Variants in LAMTOR2 observed in about 807,000 individuals in gnomAD.
LAMTOR2 encodes the protein late endosomal/lysosomal adaptor, MAPK and MTOR activator 2, also known as ragulator complex protein LAMTOR2.
LAMTOR2 carries 4 observed loss-of-function variants against 15.8 expected under a neutral mutation model. The observed-to-expected ratio is 0.25, with a 90% CI of 0.12 to 0.58. The LOEUF is 0.58. LAMTOR2 is among the 20% of genes least tolerant of loss of function. The probability of loss-of-function intolerance (pLI) is 0.91; values close to 1 mark genes in which losing one functional copy is unlikely to be tolerated. For missense variants in LAMTOR2, 100 were observed against 161.0 expected, an observed-to-expected ratio of 0.62 and a Z score of 2.05; for synonymous variants, 62 against 64.1, an observed-to-expected ratio of 0.97 and a Z score of 0.15.
At chr1:156,057,035 G>C (rs1204350528) in intron 2 of LAMTOR2, among the ~76,000 whole-genome samples, 1 of 151,860 alleles carries the variant, frequency 6.6e-6, no homozygotes, top group Non-Finnish European at 1.5e-5. Flanking sequence ...AAAATTAGCT[G>C]GGCATGGTGG....
rs530228056 is a variant in LAMTOR2, at chr1:156,055,603, A to C, written c.231+178A>C. On this transcript the variant is annotated intron_variant, in intron 2 of 3. Coordinates refer to ENST00000368305, the MANE Select transcript of LAMTOR2 (RefSeq NM_014017.4). This position sits in a 1 kb window ranked among gnomAD's most constrained non-coding sequence, Gnocchi z 4.8. ...CCTATTCATCAAGTGGTGGTGAGGA[A>C]GGATCCCTGGACCTGAGAGGTCTGA... 1.4e-6 allele frequency: 1 copy of C among 707,620 alleles called. No individual in the cohort carries two copies. The highest frequency in any genetic ancestry group is 2.7e-5 in the East Asian group (1 of 36,542). 43.8% of individuals were successfully genotyped at this position (707,620 alleles called of 1,614,324 possible). A position where few individuals can be genotyped will look rare whatever the true frequency, so the allele number is the denominator to read the frequency against.
intron 2 of LAMTOR2, 106 bp from the exon 3 acceptor site, chr1:156,057,872 C>T: frequency 6.6e-6 from 7 of 1,055,720 alleles, no homozygotes; most frequent in South Asian, 1.3e-5. Flanking sequence ...GTGCCCAGGG[C>T]ATGGGAGGAA....
Position 156,055,264 on chromosome 1 carries a change from C to G in LAMTOR2, c.70C>G (p.Leu24Val). 1 of 1,614,032 alleles carries G rather than the reference C, an allele frequency of 6.2e-7. No individual in the cohort carries two copies. Among genetic ancestry groups the G allele is most frequent in the Non-Finnish European group, 8.5e-7 (1 of 1,180,044 alleles). Residue 24 changes from leucine to valine, a missense_variant and splice_region_variant, in exon 2 of 4, where the codon CTG (leucine) becomes GTG (valine). Physicochemically the swap from Leu to Val is conservative, Grantham distance 32. Coordinates refer to ENST00000368305, the MANE Select transcript of LAMTOR2 (RefSeq NM_014017.4). The surrounding 1 kb of genome is among the most constrained non-coding windows in gnomAD (Gnocchi z 4.8). ...CTATCCCTCCCCGCCCCTCACCAGG[C>G]TGCTGAATAACGAGGGATCACTGCT... The part of the protein sequence containing the change: ...ANTGGVQSTL[L>V]LNNEGSLLAY...
intron 2 of LAMTOR2, 113 bp from the exon 3 acceptor site, chr1:156,057,865 C>A: frequency 2.0e-6 from 2 of 1,010,330 alleles, no homozygotes; most frequent in Non-Finnish European, 3.1e-6. Context: ...TCCTGCTGTG[C>A]CCAGGGCATG....
Position 156,055,298 on chromosome 1 carries a change from C to T in LAMTOR2, c.104C>T (p.Ser35Phe), listed in dbSNP as rs2102763755. The change falls in exon 2 of 4, where the codon TCT becomes TTT. Residue 35 changes from serine (S) to phenylalanine (F), a missense_variant. Physicochemically the swap from Ser to Phe is radical, Grantham distance 155. Transcript: ENST00000368305. The surrounding 1 kb of genome is among the most constrained non-coding windows in gnomAD (Gnocchi z 4.8). ...AACGAGGGATCACTGCTGGCCTACTCTGGTTACGGGGACACTGACGCCCGG... is the reference window on the plus strand; with the variant it reads ...AACGAGGGATCACTGCTGGCCTACTTTGGTTACGGGGACACTGACGCCCGG... The part of the protein sequence containing the change: ...LNNEGSLLAY[S>F]GYGDTDARVT... 6.2e-7 allele frequency: 1 copy of T among 1,614,188 alleles called. No individual in the cohort carries two copies. The highest frequency in any genetic ancestry group is 1.3e-5 in the African/African-American group (1 of 75,054).
chr1:156,055,292 C>T lies in LAMTOR2; in HGVS notation c.98C>T (p.Ala33Val), dbSNP rs1272650315. Residue 33 changes from alanine (A) to valine (V), a missense_variant, in exon 2 of 4, where the codon GCC (alanine) becomes GTC (valine). Ala to Val is a moderately conservative substitution (Grantham distance 64). Transcript: ENST00000368305. This position sits in a 1 kb window ranked among gnomAD's most constrained non-coding sequence, Gnocchi z 4.8. ...CTGAATAACGAGGGATCACTGCTGG[C>T]CTACTCTGGTTACGGGGACACTGAC... ...LLLNNEGSLL[A>V]YSGYGDTDAR... is the part of the protein sequence containing the mutation. The T allele has an allele frequency of 6.2e-7, 1 of 1,614,082 alleles. No individual in the cohort carries two copies. The highest frequency in any genetic ancestry group is 1.7e-5 in the Admixed American group (1 of 60,014).
chr1:156,058,471 T>C lies in LAMTOR2; in HGVS notation c.*100T>C. On this transcript the variant is annotated 3_prime_UTR_variant, in exon 4 of 4. Coordinates refer to ENST00000368305, the MANE Select transcript of LAMTOR2 (RefSeq NM_014017.4). ...TTAGACAATGGGGGGAGGATGGGAC[T>C]TTGTTTTTTCCAAGAATAAACTTCA... is the stretch of plus-strand genomic sequence containing the variant. The C allele has an allele frequency of 7.6e-7, 1 of 1,312,540 alleles. No individual in the cohort carries two copies. The highest frequency in any genetic ancestry group is 1.2e-5 in the South Asian group (1 of 84,080). The allele number at this position is 1,312,540 out of a possible 1,614,324, so 81.3% of individuals were successfully genotyped here.
In LAMTOR2 at chr1:156,054,930, C is replaced by T. The variant is rs1345091645; in HGVS notation, c.41C>T (p.Ala14Val). Residue 14 changes from alanine to valine, a missense_variant, in exon 1 of 4, where the codon GCC becomes GTC. Ala to Val is a moderately conservative substitution (Grantham distance 64). Coordinates refer to ENST00000368305, the MANE Select transcript of LAMTOR2 (RefSeq NM_014017.4). ...PKALTQVLSQ[A>V]NTGGVQSTLL... ...GCTTTGACCCAGGTGCTAAGCCAAG[C>T]CAACACTGGAGGCGTCCAGAGCACC... The T allele has an allele frequency of 6.2e-7, 1 of 1,612,900 alleles. No homozygotes were observed. The highest frequency in any genetic ancestry group is 8.5e-7 in the Non-Finnish European group (1 of 1,179,810).
chr1:156,056,624 G>A (rs111593253), intron 2 of LAMTOR2, among the ~76,000 whole-genome samples: 47 of 152,302 alleles, frequency 3.1e-4, no homozygotes, highest in Admixed American at 9.8e-4. Context: ...GGTCAGAGAG[G>A]CAGGGAGTGC....
chr1:156,055,752 C>T lies in LAMTOR2; in HGVS notation c.231+327C>T, dbSNP rs1320217131. The T allele has an allele frequency of 2.6e-6, 1 of 388,136 alleles. No individual in the cohort carries two copies. Among genetic ancestry groups the T allele is most frequent in the Non-Finnish European group, 4.9e-6 (1 of 203,938 alleles). 24.0% of individuals were successfully genotyped at this position (388,136 alleles called of 1,614,324 possible). A position where few individuals can be genotyped will look rare whatever the true frequency, so the allele number is the denominator to read the frequency against. Reference sequence around the variant, plus strand: ...CAATAATTTCCCTCTCCCCGCTCCCCTCATGGGTTGTTGTGAAGGTCAGAT... The same window carrying T: ...CAATAATTTCCCTCTCCCCGCTCCCTTCATGGGTTGTTGTGAAGGTCAGAT... On this transcript the variant is annotated intron_variant, in intron 2 of 3. Coordinates refer to ENST00000368305, the MANE Select transcript of LAMTOR2 (RefSeq NM_014017.4). The surrounding 1 kb of genome is among the most constrained non-coding windows in gnomAD (Gnocchi z 4.8).
At position 156,057,958 on chromosome 1, in the gene LAMTOR2, C is replaced by T; in HGVS notation, c.232-20C>T. The T allele has an allele frequency of 1.9e-6, 3 of 1,611,508 alleles. No homozygotes were observed. The highest frequency in any genetic ancestry group is 2.2e-5 in the East Asian group (1 of 44,868). The stretch of plus-strand genomic sequence containing the variant: ...GGGTGCCAAGCAGAACATCACATCC[C>T]ATCATATCACCCCCACCAGGAGGGC... On this transcript the variant is annotated intron_variant, in intron 2 of 3. Transcript: ENST00000368305.
chr1:156,056,266 TG>T (rs1049370653), intron 2 of LAMTOR2, among the ~76,000 whole-genome samples: 1 of 152,166 alleles, frequency 6.6e-6, no homozygotes, highest in African/African-American at 2.4e-5. Flanking sequence ...CCTCCCAAAG[TG>T]CTGGGATTAC....
intron 2 of LAMTOR2, among the ~76,000 whole-genome samples, chr1:156,056,334 A>G (rs1426389663): frequency 1.3e-5 from 2 of 152,148 alleles, no homozygotes; most frequent in African/African-American, 4.8e-5. Context: ...TATATAGTAT[A>G]TATTAGGTAT....
At position 156,055,079 on chromosome 1, in the gene LAMTOR2, G is replaced by T; in HGVS notation, c.68+122G>T. On this transcript the variant is annotated intron_variant, in intron 1 of 3. Coordinates refer to ENST00000368305, the MANE Select transcript of LAMTOR2 (RefSeq NM_014017.4). The surrounding 1 kb of genome is among the most constrained non-coding windows in gnomAD (Gnocchi z 4.8). Reference sequence around the variant, plus strand: ...AAGCGGCAGAGGGGGCAGCGGCTGGGGATACCGGCCGGGAGGTCCCCTGTC... The same window carrying T: ...AAGCGGCAGAGGGGGCAGCGGCTGGTGATACCGGCCGGGAGGTCCCCTGTC... 7.3e-7 allele frequency: 1 copy of T among 1,374,056 alleles called. No homozygotes were observed. Among genetic ancestry groups the T allele is most frequent in the Non-Finnish European group, 1.0e-6 (1 of 969,640 alleles). The allele number at this position is 1,374,056 out of a possible 1,614,324, so 85.1% of individuals were successfully genotyped here.
Position 156,058,016 on chromosome 1 carries a change from G to T in LAMTOR2, c.270G>T (p.Leu90=). The T allele has an allele frequency of 6.2e-7, 1 of 1,614,168 alleles. No homozygotes were observed. The highest frequency in any genetic ancestry group is 8.5e-7 in the Non-Finnish European group (1 of 1,180,018). The change falls in exon 3 of 4, where the codon CTG becomes CTT. Residue 90 remains leucine (L), a synonymous_variant. Coordinates refer to ENST00000368305, the MANE Select transcript of LAMTOR2 (RefSeq NM_014017.4). The stretch of plus-strand genomic sequence containing the variant: ...CCATCACCCGAGTGGCCAACCTTCT[G>T]CTGTGTATGTATGCCAAGGAGACCG... ...RVAITRVANL[L]LCMYAKETVG...
rs1271796585 is a variant in LAMTOR2 at position 156,058,140 on chromosome 1, G to A, written c.321+73G>A. ...TTCTACACTGTGTTCACTCCCACCA[G>A]GACCCTGTTTCTAGAGTTCTCATGT... On this transcript the variant is annotated intron_variant, in intron 3 of 3. Transcript: ENST00000368305. 11 of 1,529,578 alleles carry A rather than the reference G, an allele frequency of 7.2e-6. No individual in the cohort carries two copies. The Admixed American group carries it at 1.8e-4, about 26-fold the overall frequency. The allele number at this position is 1,529,578 out of a possible 1,614,324, so 94.8% of individuals were successfully genotyped here.
At position 156,055,490 on chromosome 1, in the gene LAMTOR2, C is replaced by T; in HGVS notation, c.231+65C>T. On this transcript the variant is annotated intron_variant, in intron 2 of 3. Transcript: ENST00000368305. This position sits in a 1 kb window ranked among gnomAD's most constrained non-coding sequence, Gnocchi z 4.8. ...GGGATCCCAAGGGGGCGACCTGGAC[C>T]CCATCCTGGATGGTTGGAGGGGCAG... 1 of 1,591,466 alleles carries T rather than the reference C, an allele frequency of 6.3e-7. No homozygotes were observed. The highest frequency in any genetic ancestry group is 1.1e-5 in the South Asian group (1 of 90,588).
In LAMTOR2 at chr1:156,055,609, C is replaced by T. The variant is rs759251132; in HGVS notation, c.231+184C>T. The T allele has an allele frequency of 2.2e-5, 15 of 685,936 alleles. No individual in the cohort carries two copies. Among genetic ancestry groups the T allele is most frequent in the Non-Finnish European group, 3.7e-5 (15 of 402,258 alleles). 42.5% of individuals were successfully genotyped at this position (685,936 alleles called of 1,614,324 possible). A position where few individuals can be genotyped will look rare whatever the true frequency, so the allele number is the denominator to read the frequency against. On this transcript the variant is annotated intron_variant, in intron 2 of 3. Coordinates refer to ENST00000368305, the MANE Select transcript of LAMTOR2 (RefSeq NM_014017.4). The surrounding 1 kb of genome is among the most constrained non-coding windows in gnomAD (Gnocchi z 4.8). The stretch of plus-strand genomic sequence containing the variant: ...CATCAAGTGGTGGTGAGGAAGGATC[C>T]CTGGACCTGAGAGGTCTGACTTGGG...
rs188468056 is a variant in LAMTOR2 at position 156,058,456 on chromosome 1, G to A, written c.*85G>A. On this transcript the variant is annotated 3_prime_UTR_variant, in exon 4 of 4. Coordinates refer to ENST00000368305, the MANE Select transcript of LAMTOR2 (RefSeq NM_014017.4). ...CCTAGAAGAACCTTCTTAGACAATG[G>A]GGGGAGGATGGGACTTTGTTTTTTC... 74 of 1,392,984 alleles carry A rather than the reference G, an allele frequency of 5.3e-5. No homozygotes were observed. Among genetic ancestry groups the A allele is most frequent in the African/African-American group, 1.7e-4 (12 of 70,366 alleles). The allele number at this position is 1,392,984 out of a possible 1,614,324, so 86.3% of individuals were successfully genotyped here.
Sources: allele counts gnomAD v4.1 joint callset (sites outside exome capture counted in the v4.1 genomes callset), GRCh38; gene constraint gnomAD v4.1.1; non-coding constraint Gnocchi (gnomAD v3.1); transcripts MANE v1.5; gene names NCBI Gene and HGNC (gene_info 2026-07-23, HGNC 2026-07-21).